ANKFN1: variants seen among roughly 807,000 people sequenced by gnomAD.
The protein encoded by ANKFN1 is ankyrin repeat and fibronectin type III domain containing 1, also known as ankyrin repeat and fibronectin type-III domain-containing protein 1.
A neutral mutation model predicts 108.7 loss-of-function variants in ANKFN1; 74 were observed. The ratio of observed to expected loss-of-function variants is 0.68; its 90% CI spans 0.56 to 0.83. The LOEUF is 0.83. Among genes scored for constraint, ANKFN1 ranks in the 40% least tolerant of loss-of-function variants. The probability of loss-of-function intolerance (pLI) is 0.00; values close to 1 mark genes in which losing one functional copy is unlikely to be tolerated. For synonymous variants in ANKFN1, 547 were observed against 516.2 expected, an observed-to-expected ratio of 1.06 and a Z score of -0.81; for missense variants, 1,505 against 1,382.3, an observed-to-expected ratio of 1.09 and a Z score of -1.41.
At chr17:56,068,576 A>C (rs1383414779) in intron 4 of ANKFN1, among the ~76,000 whole-genome samples, 1 of 152,210 alleles carries the variant, frequency 6.6e-6, no homozygotes, top group Non-Finnish European at 1.5e-5. Flanking sequence ...AGCAGGTGGA[A>C]GAAGGTAGTG....
rs551085325 is a variant in ANKFN1 at position 56,408,925 on chromosome 17, A to AT, written c.911-31386dup. ...ATACAAAATGGTAAATGCTTTTAAG[A>AT]TTTTTTTTTTTTTTTTGAGATGGAG... On this transcript the variant is annotated intron_variant, in intron 8 of 20. Coordinates refer to ENST00000682825, the MANE Select transcript of ANKFN1 (RefSeq NM_001370326.1). Among the ~76,000 whole-genome samples the AT allele has an allele frequency of 6.8e-3, 971 of 143,066 alleles. 2 individuals carry two copies. Among genetic ancestry groups the AT allele is most frequent in the African/African-American group, 0.014 (543 of 39,268 alleles). 93.9% of individuals were successfully genotyped at this position (143,066 alleles called of 152,430 possible).
chr17:56,243,789 G>T (rs946951286), intron 3 of ANKFN1, among the ~76,000 whole-genome samples: 2 of 152,050 alleles, frequency 1.3e-5, no homozygotes, highest in Non-Finnish European at 2.9e-5. Context: ...ACACATACAG[G>T]CATGCATTTT....
At chr17:56,227,354 A>G (rs1175515147) in intron 2 of ANKFN1, among the ~76,000 whole-genome samples, 1 of 152,156 alleles carries the variant, frequency 6.6e-6, no homozygotes, top group East Asian at 1.9e-4. Context: ...ATCTTGAATA[A>G]ATAGAAACTT....
chr17:56,385,233 T>G (rs1391326082), intron 8 of ANKFN1, among the ~76,000 whole-genome samples: 1 of 152,218 alleles, frequency 6.6e-6, no homozygotes, highest in African/African-American at 2.4e-5. Flanking sequence ...GATTCCCTAT[T>G]TAATAAACAC....
chr17:56,125,823 C>T (rs541104682), intron 4 of ANKFN1, among the ~76,000 whole-genome samples: 2 of 152,284 alleles, frequency 1.3e-5, no homozygotes, highest in African/African-American at 4.8e-5. Context: ...AAAGGCAAGA[C>T]AAGAGAGGGA....
At position 56,457,337 on chromosome 17, in the gene ANKFN1, T is replaced by C. The variant is rs1262109781; in HGVS notation, c.1388T>C (p.Ile463Thr). Reference sequence around the variant, plus strand: ...GAAGATCAAGTACCAATTGTTGAAATAGATGACTCTCACACCAGTTCTATT... The same window carrying C: ...GAAGATCAAGTACCAATTGTTGAAACAGATGACTCTCACACCAGTTCTATT... ...TNEDQVPIVE[I>T]DDSHTSSITQ... The change falls in exon 13 of 21, where the codon ATA becomes ACA. Residue 463 changes from isoleucine (I) to threonine (T), a missense_variant. Transcript: ENST00000682825. The C allele has an allele frequency of 1.2e-5, 19 of 1,608,770 alleles. No homozygotes were observed. Among genetic ancestry groups the C allele is most frequent in the Non-Finnish European group, 1.5e-5 (18 of 1,178,214 alleles).
intron 8 of ANKFN1, among the ~76,000 whole-genome samples, chr17:56,429,805 G>T (rs2048693932): frequency 6.6e-6 from 1 of 152,252 alleles, no homozygotes; most frequent in African/African-American, 2.4e-5. Flanking sequence ...TAGGAGTATG[G>T]ATGTGAAACA....
intron 1 of ANKFN1, among the ~76,000 whole-genome samples, chr17:56,194,255 C>G (rs905403850): frequency 6.6e-6 from 1 of 152,192 alleles, no homozygotes; most frequent in Non-Finnish European, 1.5e-5. Flanking sequence ...AGCAATCACA[C>G]TTCTTGGTAT....
chr17:56,180,839 T>A (rs1413226635), intron 1 of ANKFN1, among the ~76,000 whole-genome samples: 1 of 152,208 alleles, frequency 6.6e-6, no homozygotes, highest in Non-Finnish European at 1.5e-5. Context: ...ACTTAATGCC[T>A]TATATAATCA....
chr17:56,065,025 G>A (rs190903016), intron 4 of ANKFN1, among the ~76,000 whole-genome samples: 17 of 152,256 alleles, frequency 1.1e-4, no homozygotes, highest in African/African-American at 1.4e-4. Context: ...TTCCTTCCTC[G>A]CCGTGGATCA....
At chr17:56,403,254 GACTTTCT>G (rs1247269150) in intron 8 of ANKFN1, among the ~76,000 whole-genome samples, 2 of 151,984 alleles carry the variant, frequency 1.3e-5, no homozygotes, top group Non-Finnish European at 2.9e-5. Flanking sequence ...TTTCTTTATT[GACTTTCT>G]GTCTTGATGA....
intron 3 of ANKFN1, among the ~76,000 whole-genome samples, chr17:56,322,118 G>A (rs1034041417): frequency 6.6e-6 from 1 of 152,016 alleles, no homozygotes; most frequent in Admixed American, 6.6e-5. Flanking sequence ...CTCAGCTTCT[G>A]TTCTTTTCTC....
At chr17:56,246,620 A>C (rs750636829) in intron 3 of ANKFN1, among the ~76,000 whole-genome samples, 4 of 152,214 alleles carry the variant, frequency 2.6e-5, no homozygotes, top group Middle Eastern at 3.4e-3. Context: ...AAATGTTATA[A>C]TTTTTATTAA....
At chr17:56,128,903 A>G (rs1209076009) in intron 4 of ANKFN1, among the ~76,000 whole-genome samples, 1 of 152,204 alleles carries the variant, frequency 6.6e-6, no homozygotes, top group African/African-American at 2.4e-5. Context: ...TATTGGTCAC[A>G]TATTTGGGAT....
At chr17:56,357,580 T>C (rs16957116) in intron 6 of ANKFN1, among the ~76,000 whole-genome samples, 4,391 of 152,238 alleles carry the variant, frequency 0.029, 215 homozygotes, top group African/African-American at 0.1. Context: ...CGCACTAAGG[T>C]GTCAGTCGTG....
At chr17:56,467,795 A>AGAAAAAGAAAG (rs2050156451) in intron 15 of ANKFN1, among the ~76,000 whole-genome samples, 14 of 17,714 alleles carry the variant, frequency 7.9e-4, no homozygotes, top group African/African-American at 3.5e-3. Context: ...AAGAAAGAAG[A>AGAAAAAGAAAG]AAGAAAGAAA....
rs188304718 is a variant in ANKFN1 at position 56,317,881 on chromosome 17, A to C, written c.54-8340A>C. ...TCTCCTGATATGCCTAAATGGGTTC[A>C]ATGTAATTTTGTAAGCTTTTGAAGA... On this transcript the variant is annotated intron_variant, in intron 3 of 20. Coordinates refer to ENST00000682825, the MANE Select transcript of ANKFN1 (RefSeq NM_001370326.1). Among the ~76,000 whole-genome samples, 145 of 152,252 alleles carry C rather than the reference A, an allele frequency of 9.5e-4. 2 individuals carry two copies. The highest frequency in any genetic ancestry group is 3.4e-3 in the African/African-American group (141 of 41,552).
At chr17:56,220,136 A>G (rs2143857367) in intron 2 of ANKFN1, among the ~76,000 whole-genome samples, 1 of 152,348 alleles carries the variant, frequency 6.6e-6, no homozygotes, top group East Asian at 1.9e-4. Flanking sequence ...AGCATTCAAC[A>G]AGGCACTCCC....
chr17:56,137,915 A>G (rs1907688544), intron 4 of ANKFN1, among the ~76,000 whole-genome samples: 1 of 152,222 alleles, frequency 6.6e-6, no homozygotes, highest in Non-Finnish European at 1.5e-5. Flanking sequence ...AGCCTCATTG[A>G]CAATTTTATC....
Sources: allele counts gnomAD v4.1 joint callset (sites outside exome capture counted in the v4.1 genomes callset), GRCh38; gene constraint gnomAD v4.1.1; transcripts MANE v1.5; gene names NCBI Gene and HGNC (gene_info 2026-07-23, HGNC 2026-07-21).